The following CTNND2 variants were observed in gnomAD, a reference collection of about 807,000 sequenced individuals.
The protein encoded by CTNND2 is catenin delta-2.
In CTNND2, 22 loss-of-function variants were observed where a neutral mutation model predicts 144.4. The ratio of observed to expected loss-of-function variants is 0.15; its 90% CI spans 0.11 to 0.22. CTNND2 has a LOEUF of 0.22. Among genes scored for constraint, CTNND2 ranks in the 10% least tolerant of loss-of-function variants. CTNND2 has a pLI of 1.00. For missense variants in CTNND2, 1,353 were observed against 1,618.8 expected, an observed-to-expected ratio of 0.84 and a Z score of 2.82; for synonymous variants, 751 against 695.6, an observed-to-expected ratio of 1.08 and a Z score of -1.25.
At chr5:11,361,696 AG>A (rs1305292701) in intron 8 of CTNND2, among the ~76,000 whole-genome samples, 4 of 152,228 alleles carry the variant, frequency 2.6e-5, no homozygotes, top group Non-Finnish European at 5.9e-5. Context: ...TTCTCCTTTT[AG>A]GCTCCACCTA....
chr5:11,776,297 G>A (rs548495858), intron 1 of CTNND2, among the ~76,000 whole-genome samples: 1 of 152,278 alleles, frequency 6.6e-6, no homozygotes, highest in Admixed American at 6.5e-5. Flanking sequence ...CAGCCAGTGA[G>A]TGAGACAAAG....
At chr5:11,575,359 TATCGATCTGGG>T (rs1777897128) in intron 2 of CTNND2, among the ~76,000 whole-genome samples, 1 of 152,204 alleles carries the variant, frequency 6.6e-6, no homozygotes, top group Non-Finnish European at 1.5e-5. Flanking sequence ...AAACTCAAAC[TATCGATCTGGG>T]AAAATCTAAA....
intron 9 of CTNND2, among the ~76,000 whole-genome samples, chr5:11,342,676 T>C (rs527732849): frequency 6.6e-6 from 1 of 152,344 alleles, no homozygotes; most frequent in South Asian, 2.1e-4. Flanking sequence ...CTTTTATTAT[T>C]TGATAGACAA....
chr5:11,858,712 G>A (rs531983620), intron 1 of CTNND2, among the ~76,000 whole-genome samples: 29 of 152,304 alleles, frequency 1.9e-4, no homozygotes, highest in African/African-American at 6.3e-4. Context: ...GGTGGATCAC[G>A]AGGTCAGGAG....
chr5:11,088,181 T>C (rs1750377703), intron 15 of CTNND2, among the ~76,000 whole-genome samples: 3 of 152,178 alleles, frequency 2.0e-5, no homozygotes, highest in Non-Finnish European at 4.4e-5. Flanking sequence ...AATACAACCC[T>C]GTTAAATGAT....
chr5:11,834,956 T>C (rs1794093572), intron 1 of CTNND2, among the ~76,000 whole-genome samples: 1 of 152,064 alleles, frequency 6.6e-6, no homozygotes, highest in African/African-American at 2.4e-5. Flanking sequence ...CTGGCCAACA[T>C]GGCAAAATCC....
At chr5:11,770,472 G>A (rs896574173) in intron 1 of CTNND2, among the ~76,000 whole-genome samples, 1 of 149,608 alleles carries the variant, frequency 6.7e-6, no homozygotes, top group Non-Finnish European at 1.5e-5. Context: ...AGGGGTAGGG[G>A]TAGGGGAAGG....
At chr5:11,276,292 A>C (rs545172708) in intron 9 of CTNND2, among the ~76,000 whole-genome samples, 33 of 152,208 alleles carry the variant, frequency 2.2e-4, no homozygotes, top group Non-Finnish European at 4.0e-4. Context: ...GTCTGGATGA[A>C]GGAGGGAAAT....
chr5:11,295,919 A>G (rs1323620808), intron 9 of CTNND2, among the ~76,000 whole-genome samples: 3 of 152,190 alleles, frequency 2.0e-5, no homozygotes, highest in Non-Finnish European at 4.4e-5. Flanking sequence ...GGACATAGGC[A>G]TGGGCAAGGA....
chr5:11,566,278 T>G (rs781519160), intron 2 of CTNND2, among the ~76,000 whole-genome samples: 53 of 152,342 alleles, frequency 3.5e-4, no homozygotes, highest in Admixed American at 5.9e-4. Flanking sequence ...TGAGGGAACA[T>G]TTTGTTTTTT....
intron 3 of CTNND2, among the ~76,000 whole-genome samples, chr5:11,459,885 CAT>C (rs764965640): frequency 4.6e-5 from 7 of 152,170 alleles, no homozygotes; most frequent in East Asian, 1.9e-4. Context: ...ACATTCTTCA[CAT>C]GTCTCACGAA....
At chr5:11,350,005 C>T (rs1755166251) in intron 8 of CTNND2, among the ~76,000 whole-genome samples, 1 of 152,114 alleles carries the variant, frequency 6.6e-6, no homozygotes, top group Non-Finnish European at 1.5e-5. Flanking sequence ...GGCGTGGTGG[C>T]ACGTGCCTGT....
intron 1 of CTNND2, among the ~76,000 whole-genome samples, chr5:11,737,024 CCTGT>C (rs112989155): frequency 0.14 from 21,926 of 151,942 alleles, 1,745 homozygotes; most frequent in East Asian, 0.27. Context: ...AAGTTATCTA[CCTGT>C]CTTTTATATG....
chr5:11,524,179 A>T (rs1386583973), intron 3 of CTNND2, among the ~76,000 whole-genome samples: 5 of 151,948 alleles, frequency 3.3e-5, no homozygotes, highest in African/African-American at 7.3e-5. Context: ...CACTTGCCCC[A>T]CCTGTGACCT....
intron 12 of CTNND2, among the ~76,000 whole-genome samples, chr5:11,147,161 T>C (rs1281674928): frequency 1.3e-5 from 2 of 152,204 alleles, no homozygotes; most frequent in Non-Finnish European, 2.9e-5. Flanking sequence ...ATGATCGTCA[T>C]GTACGTGAGA....
chr5:11,117,826 G>A (rs909022105), intron 12 of CTNND2, among the ~76,000 whole-genome samples: 7 of 152,232 alleles, frequency 4.6e-5, no homozygotes, highest in African/African-American at 1.7e-4. Context: ...TGAGTCCCAT[G>A]ACCGTGGAGG....
Position 11,883,568 on chromosome 5 carries a change from T to C in CTNND2, c.37+20249A>G, listed in dbSNP as rs548647644. ...GTGTATATGTGCCATATTTTATTTA[T>C]CCAGTCTATCACTGATGGGCATTTG... is the stretch of plus-strand genomic sequence containing the variant. On this transcript the variant is annotated intron_variant, in intron 1 of 21. Transcript: ENST00000304623. Among the ~76,000 whole-genome samples, 6 of 152,336 alleles carry C rather than the reference T, an allele frequency of 3.9e-5. No homozygotes were observed. The South Asian group carries it at 1.2e-3, about 32-fold the overall frequency.
At chr5:11,745,053 G>A (rs1788234956) in intron 1 of CTNND2, among the ~76,000 whole-genome samples, 1 of 152,114 alleles carries the variant, frequency 6.6e-6, no homozygotes, top group Admixed American at 6.6e-5. Flanking sequence ...GAAATTGGAT[G>A]ATGACCTTGA....
chr5:11,062,660 C>T (rs75953110), intron 16 of CTNND2, among the ~76,000 whole-genome samples: 29,696 of 152,226 alleles, frequency 0.2, 3,429 homozygotes, highest in Middle Eastern at 0.29. Context: ...GCAGGCTCCC[C>T]TGGGGCAGAC....
Sources: allele counts gnomAD v4.1 joint callset (sites outside exome capture counted in the v4.1 genomes callset), GRCh38; gene constraint gnomAD v4.1.1; transcripts MANE v1.5; gene names NCBI Gene and HGNC (gene_info 2026-07-23, HGNC 2026-07-21).